GSK3B: variants seen among roughly 807,000 people sequenced by gnomAD.
The protein encoded by GSK3B is glycogen synthase kinase-3 beta.
Under a neutral mutation model 56.4 loss-of-function variants are expected in GSK3B, and 15 were observed. That is an observed-to-expected ratio of 0.27 (90% CI 0.18 to 0.41). The LOEUF is 0.41. Ranked by LOEUF, GSK3B falls within the 10% of genes least tolerant of loss-of-function variation. The pLI is 1.00. For synonymous variants in GSK3B, 181 were observed against 188.9 expected (o/e 0.96, Z 0.34); for missense variants, 300 against 513.4 (o/e 0.58, Z 4.02).
intron 7 of GSK3B, among the ~76,000 whole-genome samples, chr3:119,894,061 G>C (rs549245124): frequency 6.6e-6 from 1 of 152,038 alleles, no homozygotes; most frequent in South Asian, 2.1e-4. Context: ...CAGCTCCCCA[G>C]AACCACTAAT....
chr3:120,011,090 T>C (rs1240656318), intron 1 of GSK3B, among the ~76,000 whole-genome samples: 1 of 152,078 alleles, frequency 6.6e-6, no homozygotes, highest in African/African-American at 2.4e-5. Flanking sequence ...ACAAAAAGCC[T>C]ACTGTACTCC....
chr3:119,831,868 A>C (rs1021884191), intron 10 of GSK3B, among the ~76,000 whole-genome samples: 1 of 152,186 alleles, frequency 6.6e-6, no homozygotes, highest in Non-Finnish European at 1.5e-5. Context: ...AGTAAACAAA[A>C]AAATGCCCCC....
chr3:119,992,919 G>A (rs566606655), intron 2 of GSK3B, among the ~76,000 whole-genome samples: 7 of 151,736 alleles, frequency 4.6e-5, no homozygotes, highest in Non-Finnish European at 8.8e-5. Flanking sequence ...AATTTAAAAA[G>A]TAAGGCAACT....
At chr3:119,969,358 A>G (rs78048645) in intron 2 of GSK3B, among the ~76,000 whole-genome samples, 1 of 152,324 alleles carries the variant, frequency 6.6e-6, no homozygotes, top group African/African-American at 2.4e-5. Context: ...AGGAAGGTCT[A>G]AATAAATGGA....
chr3:120,010,845 A>C (rs1203530125), intron 1 of GSK3B, among the ~76,000 whole-genome samples: 3 of 152,218 alleles, frequency 2.0e-5, no homozygotes, highest in African/African-American at 4.8e-5. Context: ...AGGTGGGCGG[A>C]TCACTCAAGG....
chr3:119,984,810 A>G (rs1411423408), intron 2 of GSK3B, among the ~76,000 whole-genome samples: 1 of 152,224 alleles, frequency 6.6e-6, no homozygotes, highest in Non-Finnish European at 1.5e-5. Flanking sequence ...ATCAATAGAA[A>G]AAGAGGGGAT....
chr3:119,831,175 T>G (rs963132096), intron 10 of GSK3B, among the ~76,000 whole-genome samples: 1 of 151,926 alleles, frequency 6.6e-6, no homozygotes, highest in Non-Finnish European at 1.5e-5. Flanking sequence ...AGCTAACAAG[T>G]AGGGGAGTGG....
At chr3:119,973,513 A>G (rs6778773) in intron 2 of GSK3B, among the ~76,000 whole-genome samples, 2,765 of 152,296 alleles carry the variant, frequency 0.018, 89 homozygotes, top group African/African-American at 0.063. Flanking sequence ...GCATATGGTT[A>G]GAAGGTCAGT....
intron 1 of GSK3B, among the ~76,000 whole-genome samples, chr3:120,069,475 C>T (rs1452606867): frequency 6.6e-6 from 1 of 152,070 alleles, no homozygotes; most frequent in Non-Finnish European, 1.5e-5. Context: ...GTATCTTGGA[C>T]CATTTAAGTT....
chr3:120,026,505 C>A, intron 1 of GSK3B, among the ~76,000 whole-genome samples: 1 of 101,200 alleles, frequency 9.9e-6, no homozygotes, highest in Non-Finnish European at 2.1e-5. Context: ...AATGCTATAC[C>A]GCCAAATACA....
At position 119,822,493 on chromosome 3, in the gene GSK3B, G is replaced by A. The variant is rs1173574030; in HGVS notation, c.*4295C>T. ...CTACTTTGTCAAGCTAACCCCTTATGTACTGGTTGTCATTTTGCTTTTATT... is the reference window on the plus strand; with the variant it reads ...CTACTTTGTCAAGCTAACCCCTTATATACTGGTTGTCATTTTGCTTTTATT... On this transcript the variant is annotated 3_prime_UTR_variant, in exon 11 of 11. Coordinates refer to ENST00000264235, the MANE Select transcript of GSK3B (RefSeq NM_001146156.2). 4.4e-6 allele frequency: 1 copy of A among 225,534 alleles called. No individual in the cohort carries two copies. Among genetic ancestry groups the A allele is most frequent in the Admixed American group, 5.7e-5 (1 of 17,490 alleles). The allele number at this position is 225,534 out of a possible 1,614,324, so 14.0% of individuals were successfully genotyped here. A position where few individuals can be genotyped will look rare whatever the true frequency, so the allele number is the denominator to read the frequency against.
intron 1 of GSK3B, among the ~76,000 whole-genome samples, chr3:120,037,195 A>G (rs2058030408): frequency 6.6e-6 from 1 of 152,232 alleles, no homozygotes; most frequent in Admixed American, 6.5e-5. Context: ...GCCCTAAAGG[A>G]CCCTTGTTTA....
At chr3:120,014,557 C>G (rs1423833697) in intron 1 of GSK3B, among the ~76,000 whole-genome samples, 1 of 152,112 alleles carries the variant, frequency 6.6e-6, no homozygotes, top group Non-Finnish European at 1.5e-5. Flanking sequence ...ATCAACCAAG[C>G]AGTTGAATCA....
chr3:119,896,850 A>G (rs138136362), intron 7 of GSK3B, among the ~76,000 whole-genome samples: 2 of 152,240 alleles, frequency 1.3e-5, no homozygotes, highest in Non-Finnish European at 2.9e-5. Flanking sequence ...AGATTTCTCC[A>G]AAGAAAATGT....
chr3:119,909,913 A>G (rs2056719145), intron 6 of GSK3B, among the ~76,000 whole-genome samples: 1 of 152,244 alleles, frequency 6.6e-6, no homozygotes, highest in Admixed American at 6.5e-5. Context: ...AGTTCCTTCT[A>G]TGACTAAACA....
intron 9 of GSK3B, among the ~76,000 whole-genome samples, chr3:119,847,135 T>C (rs922931910): frequency 1.3e-5 from 2 of 151,386 alleles, no homozygotes; most frequent in African/African-American, 4.9e-5. Context: ...CAGGGCCTGT[T>C]GCGGGGTAGG....
chr3:120,069,395 T>G (rs2107562146), intron 1 of GSK3B, among the ~76,000 whole-genome samples: 1 of 152,336 alleles, frequency 6.6e-6, no homozygotes, highest in South Asian at 2.1e-4. Context: ...GTATTCTGCT[T>G]AACTCAATTC....
At chr3:120,020,919 G>C (rs1402844831) in intron 1 of GSK3B, among the ~76,000 whole-genome samples, 5 of 152,214 alleles carry the variant, frequency 3.3e-5, no homozygotes, top group Non-Finnish European at 7.3e-5. Flanking sequence ...CTGATACGGA[G>C]AAAGTCTGAG....
chr3:119,949,912 T>C (rs2057139868), intron 2 of GSK3B, among the ~76,000 whole-genome samples: 1 of 152,076 alleles, frequency 6.6e-6, no homozygotes, highest in Non-Finnish European at 1.5e-5. Context: ...TAAGTTTTTA[T>C]CTATTAAGTT....
Sources: allele counts gnomAD v4.1 joint callset (sites outside exome capture counted in the v4.1 genomes callset), GRCh38; gene constraint gnomAD v4.1.1; transcripts MANE v1.5; gene names NCBI Gene and HGNC (gene_info 2026-07-23, HGNC 2026-07-21).